STK16: variants seen among roughly 807,000 people sequenced by gnomAD.
STK16 encodes serine/threonine-protein kinase 16.
A neutral mutation model predicts 37.8 loss-of-function variants in STK16; 28 were observed. That is an observed-to-expected ratio of 0.74 (90% CI 0.55 to 1.02). The LOEUF (loss-of-function observed/expected upper bound fraction) is 1.02, where lower values mean the gene tolerates loss of function less well. STK16 is among the 50% of genes least tolerant of loss of function. The pLI is 0.00. For synonymous variants in STK16, 134 were observed against 155.0 expected, an observed-to-expected ratio of 0.86 and a Z score of 1.01; for missense variants, 349 against 390.6, an observed-to-expected ratio of 0.89 and a Z score of 0.90.
chr2:219,248,469 C>A lies in STK16; in HGVS notation c.828C>A (p.Asp276Glu). 6.2e-7 allele frequency: 1 copy of A among 1,614,152 alleles called. No individual in the cohort carries two copies. Among genetic ancestry groups the A allele is most frequent in the Non-Finnish European group, 8.5e-7 (1 of 1,180,020 alleles). The change falls in exon 8 of 8, where the codon GAC (aspartate) becomes GAA (glutamate). Residue 276 changes from aspartate (D) to glutamate (E), a missense_variant. Transcript: ENST00000396738. The part of the protein sequence containing the change: ...RQLLNSMMTV[D>E]PHQRPHIPLL... ...TCCTGAACTCGATGATGACCGTGGA[C>A]CCGCATCAGCGTCCTCACATTCCTC...
Position 219,250,305 on chromosome 2 carries a change from G to A in STK16, c.*1746G>A, listed in dbSNP as rs376317489. The A allele has an allele frequency of 2.0e-5, 31 of 1,553,060 alleles. No homozygotes were observed. The highest frequency in any genetic ancestry group is 1.7e-4 in the Middle Eastern group (1 of 5,760). On this transcript the variant is annotated 3_prime_UTR_variant, in exon 8 of 8. Transcript: ENST00000396738. This position sits in a 1 kb window ranked among gnomAD's most constrained non-coding sequence, Gnocchi z 8.4. ...ACCGTGCAAGGAAACTGTTTATTTC[G>A]AAAGGATTTTGCAATAAACATAGTG...
At position 219,246,953 on chromosome 2, in the gene STK16, T is replaced by C; in HGVS notation, c.306+77T>C. The C allele has an allele frequency of 6.6e-7, 1 of 1,526,182 alleles. No homozygotes were observed. Among genetic ancestry groups the C allele is most frequent in the Non-Finnish European group, 8.9e-7 (1 of 1,124,944 alleles). 94.5% of individuals were successfully genotyped at this position (1,526,182 alleles called of 1,614,324 possible). On this transcript the variant is annotated intron_variant, in intron 3 of 7. Transcript: ENST00000396738. The surrounding 1 kb of genome is among the most constrained non-coding windows in gnomAD (Gnocchi z 4.5). ...AGGGCTGTGTGAGCAGTCCAGCATG[T>C]TAGGAAGCAGGGACCATGTCCTGGG...
chr2:219,250,273 A>G lies in STK16; in HGVS notation c.*1714A>G. On this transcript the variant is annotated 3_prime_UTR_variant, in exon 8 of 8. Transcript: ENST00000396738. The surrounding 1 kb of genome is among the most constrained non-coding windows in gnomAD (Gnocchi z 8.4). ...GCAGAAGCTCAAGCACTCAGAGGGA[A>G]CAAGAAACCGTGCAAGGAAACTGTT... 1 of 1,535,032 alleles carries G rather than the reference A, an allele frequency of 6.5e-7. No homozygotes were observed. Among genetic ancestry groups the G allele is most frequent in the Non-Finnish European group, 8.8e-7 (1 of 1,139,814 alleles).
At position 219,246,077 on chromosome 2, in the gene STK16, G is replaced by C. The variant is rs1443927775; in HGVS notation, c.78G>C (p.Leu26=). 2 of 1,613,626 alleles carry C rather than the reference G, an allele frequency of 1.2e-6. No homozygotes were observed. The highest frequency in any genetic ancestry group is 1.7e-6 in the Non-Finnish European group (2 of 1,179,816). ...AGCGCTACCTCTTCATCCAGAAACT[G>C]GGGGAGGGGTGAGTGTTTGGAAGTC... ...DNKRYLFIQK[L]GEGGFSYVDL... is the part of the protein sequence containing the mutation. The change falls in exon 2 of 8, where the codon CTG becomes CTC. Residue 26 remains leucine (L), a synonymous_variant. Transcript: ENST00000396738. The surrounding 1 kb of genome is among the most constrained non-coding windows in gnomAD (Gnocchi z 4.5).
In STK16 at chr2:219,248,878, A is replaced by T; in HGVS notation, c.*319A>T. 1 of 256,610 alleles carries T rather than the reference A, an allele frequency of 3.9e-6. No individual in the cohort carries two copies. Among genetic ancestry groups the T allele is most frequent in the Non-Finnish European group, 7.6e-6 (1 of 131,620 alleles). The allele number at this position is 256,610 out of a possible 1,614,324, so 15.9% of individuals were successfully genotyped here. ...TCTGGGAGCAGGAGAATGTGTAAAC[A>T]AGAATAAAGTGGAAGCAGGTTGGTG... On this transcript the variant is annotated 3_prime_UTR_variant, in exon 8 of 8. Transcript: ENST00000396738.
At chr2:219,247,563 C>T (rs761255450) in intron 5 of STK16, 28 bp downstream of exon 5, 23 of 1,614,206 alleles carry the variant, frequency 1.4e-5, no homozygotes, top group African/African-American at 2.7e-5. Flanking sequence ...TTCCTTTTCT[C>T]ACCTGTTCCC....
At position 219,246,710 on chromosome 2, in the gene STK16, C is replaced by T. The variant is rs1287662102; in HGVS notation, c.140C>T (p.Ala47Val). 3 of 1,614,116 alleles carry T rather than the reference C, an allele frequency of 1.9e-6. No individual in the cohort carries two copies. The Admixed American group carries it at 5.0e-5, about 27-fold the overall frequency. Residue 47 changes from alanine to valine, a missense_variant, in exon 3 of 8, where the codon GCC (alanine) becomes GTC (valine). Coordinates refer to ENST00000396738, the MANE Select transcript of STK16 (RefSeq NM_001330213.2). This position sits in a 1 kb window ranked among gnomAD's most constrained non-coding sequence, Gnocchi z 4.5. ...VEGLHDGHFY[A>V]LKRILCHEQQ... ...GGGTTACATGATGGACACTTCTACGCCCTGAAGCGAATCCTGTGTCACGAG... is the reference window on the plus strand; with the variant it reads ...GGGTTACATGATGGACACTTCTACGTCCTGAAGCGAATCCTGTGTCACGAG...
At chr2:219,247,801 C>T (rs1392743770) in intron 6 of STK16, 44 bp downstream of exon 6, 1 of 1,535,924 alleles carries the variant, frequency 6.5e-7, no homozygotes, top group Non-Finnish European at 8.8e-7. Context: ...AGGGCTGTGG[C>T]TCTGTACCCA....
At chr2:219,247,983 T>C in intron 6 of STK16, 1 of 828,302 alleles carries the variant, frequency 1.2e-6, no homozygotes, top group Non-Finnish European at 2.0e-6. Flanking sequence ...TCAGTGTCAG[T>C]AGTGAAGGCA....
In STK16 at chr2:219,247,175, TCAAATCCTTTGG is replaced by T; in HGVS notation, c.371_382del (p.Gln124_Trp127del). ...ACAAAGGCAACTTCCTGACCGAGGATCAAATCCTTTGGCTGCTGCTGGGGATCTGCAGAGGCC... is the reference window on the plus strand; with the variant it reads ...ACAAAGGCAACTTCCTGACCGAGGATCTGCTGCTGGGGATCTGCAGAGGCC... On this transcript the variant is annotated inframe_deletion, in exon 4 of 8. Transcript: ENST00000396738. 6.2e-7 allele frequency: 1 copy of T among 1,614,178 alleles called. No homozygotes were observed. Among genetic ancestry groups the T allele is most frequent in the Non-Finnish European group, 8.5e-7 (1 of 1,180,030 alleles).
Position 219,250,092 on chromosome 2 carries a change from C to A in STK16, c.*1533C>A. 2.0e-6 allele frequency: 1 copy of A among 510,422 alleles called. No individual in the cohort carries two copies. The highest frequency in any genetic ancestry group is 3.5e-6 in the Non-Finnish European group (1 of 286,848). 31.6% of individuals were successfully genotyped at this position (510,422 alleles called of 1,614,324 possible). A position where few individuals can be genotyped will look rare whatever the true frequency, so the allele number is the denominator to read the frequency against. On this transcript the variant is annotated 3_prime_UTR_variant, in exon 8 of 8. Coordinates refer to ENST00000396738, the MANE Select transcript of STK16 (RefSeq NM_001330213.2). The surrounding 1 kb of genome is among the most constrained non-coding windows in gnomAD (Gnocchi z 8.4). ...GCCTGGATTTTGGTCCTCATTTCCT[C>A]CCTATACTGAGTAACCCTAGGACTT...
Position 219,246,471 on chromosome 2 carries a change from A to G in STK16, c.87-186A>G, listed in dbSNP as rs1385241523. 7 of 657,272 alleles carry G rather than the reference A, an allele frequency of 1.1e-5. No individual in the cohort carries two copies. The highest frequency in any genetic ancestry group is 6.8e-5 in the South Asian group (4 of 58,524). 40.7% of individuals were successfully genotyped at this position (657,272 alleles called of 1,614,324 possible). A position where few individuals can be genotyped will look rare whatever the true frequency, so the allele number is the denominator to read the frequency against. On this transcript the variant is annotated intron_variant, in intron 2 of 7. Transcript: ENST00000396738. The surrounding 1 kb of genome is among the most constrained non-coding windows in gnomAD (Gnocchi z 4.5). ...TCTCTATTACGACCATAGGACCTCA[A>G]AGATTTCTATATCTCTGCTCCTGAG...
At chr2:219,248,085 G>A in intron 6 of STK16, 108 bp from the exon 7 acceptor site, 1 of 1,518,812 alleles carries the variant, frequency 6.6e-7, no homozygotes, top group Non-Finnish European at 9.0e-7. Context: ...ATGTGGCTGA[G>A]GTCAGCGTAT....
At chr2:219,247,322 C>T (rs1042291347) in intron 4 of STK16, 76 bp downstream of exon 4, 41 of 1,609,022 alleles carry the variant, frequency 2.5e-5, no homozygotes, top group Admixed American at 1.5e-4. Context: ...GGTCTCTGTT[C>T]TCCCAAGAAA....
At position 219,245,904 on chromosome 2, in the gene STK16, G is replaced by A; in HGVS notation, c.-96G>A. The A allele has an allele frequency of 1.1e-6, 1 of 938,750 alleles. No individual in the cohort carries two copies. Among genetic ancestry groups the A allele is most frequent in the Non-Finnish European group, 1.7e-6 (1 of 604,108 alleles). 58.2% of individuals were successfully genotyped at this position (938,750 alleles called of 1,614,324 possible). ...CGTTGTTTTCTTTCCAGCATGATCCGCTGGGCCCCCAGCGCATCTCCTGGA... is the reference window on the plus strand; with the variant it reads ...CGTTGTTTTCTTTCCAGCATGATCCACTGGGCCCCCAGCGCATCTCCTGGA... On this transcript the variant is annotated 5_prime_UTR_variant, in exon 2 of 8. Transcript: ENST00000396738.
rs1370824079 is a variant in STK16, at chr2:219,248,718, C to T, written c.*159C>T. 2.1e-5 allele frequency: 21 copies of T among 983,708 alleles called. No homozygotes were observed. Among genetic ancestry groups the T allele is most frequent in the Non-Finnish European group, 2.5e-5 (17 of 690,732 alleles). 60.9% of individuals were successfully genotyped at this position (983,708 alleles called of 1,614,324 possible). On this transcript the variant is annotated 3_prime_UTR_variant, in exon 8 of 8. Coordinates refer to ENST00000396738, the MANE Select transcript of STK16 (RefSeq NM_001330213.2). ...CCTGCATCTTTTCTTCTGCTTTCTT[C>T]CCTCCAAGAGCAAAACCTGGGCAAG...
At position 219,245,752 on chromosome 2, in the gene STK16, C is replaced by G; in HGVS notation, c.-149C>G. 1 of 313,944 alleles carries G rather than the reference C, an allele frequency of 3.2e-6. No homozygotes were observed. Among genetic ancestry groups the G allele is most frequent in the Non-Finnish European group, 5.9e-6 (1 of 168,636 alleles). 19.4% of individuals were successfully genotyped at this position (313,944 alleles called of 1,614,324 possible). A position where few individuals can be genotyped will look rare whatever the true frequency, so the allele number is the denominator to read the frequency against. ...GGCCGTAAGGCGCCTGACCCCACCC[C>G]TGAAGCTGGCGACGGAGCAGGGCCT... On this transcript the variant is annotated 5_prime_UTR_variant, in exon 1 of 8. Coordinates refer to ENST00000396738, the MANE Select transcript of STK16 (RefSeq NM_001330213.2).
In STK16 at chr2:219,246,566, A is replaced by G; in HGVS notation, c.87-91A>G. The G allele has an allele frequency of 1.0e-6, 1 of 979,218 alleles. No homozygotes were observed. Among genetic ancestry groups the G allele is most frequent in the Non-Finnish European group, 1.6e-6 (1 of 616,990 alleles). The allele number at this position is 979,218 out of a possible 1,614,324, so 60.7% of individuals were successfully genotyped here. On this transcript the variant is annotated intron_variant, in intron 2 of 7. Coordinates refer to ENST00000396738, the MANE Select transcript of STK16 (RefSeq NM_001330213.2). The surrounding 1 kb of genome is among the most constrained non-coding windows in gnomAD (Gnocchi z 4.5). ...CTTGGGAAGGTTTCTGCTAAATGGG[A>G]AGGACACCCCACTCCCCACCAGGAA...
chr2:219,246,272 C>T lies in STK16; in HGVS notation c.86+187C>T, dbSNP rs1574877036. 5 of 603,596 alleles carry T rather than the reference C, an allele frequency of 8.3e-6. No homozygotes were observed. The highest frequency in any genetic ancestry group is 1.9e-5 in the African/African-American group (1 of 53,882). The allele number at this position is 603,596 out of a possible 1,614,324, so 37.4% of individuals were successfully genotyped here. The stretch of plus-strand genomic sequence containing the variant: ...GCCTGCTAAATCCACCTCGTGTGAC[C>T]TTGATAAACCATGTTTTTTTCATCA... On this transcript the variant is annotated intron_variant, in intron 2 of 7. Coordinates refer to ENST00000396738, the MANE Select transcript of STK16 (RefSeq NM_001330213.2). This position sits in a 1 kb window ranked among gnomAD's most constrained non-coding sequence, Gnocchi z 4.5.
Sources: allele counts gnomAD v4.1 joint callset, GRCh38; gene constraint gnomAD v4.1.1; non-coding constraint Gnocchi (gnomAD v3.1); transcripts MANE v1.5; gene names NCBI Gene and HGNC (gene_info 2026-07-23, HGNC 2026-07-21).